Variants in PLXNA4 observed in about 807,000 individuals in gnomAD.
The protein encoded by PLXNA4 is plexin A4, also known as plexin-A4.
Under a neutral mutation model 191.8 loss-of-function variants are expected in PLXNA4, and 44 were observed. The ratio of observed to expected loss-of-function variants is 0.23; its 90% CI spans 0.18 to 0.29. The LOEUF is 0.29. Among genes scored for constraint, PLXNA4 ranks in the 10% least tolerant of loss-of-function variants. The pLI is 1.00. For missense variants in PLXNA4, 1,800 were observed against 2,488.8 expected (o/e 0.72, Z 5.89); for synonymous variants, 1,082 against 1,009.5 (o/e 1.07, Z -1.36).
intron 4 of PLXNA4, among the ~76,000 whole-genome samples, chr7:132,286,119 A>G (rs1338413399): frequency 6.6e-6 from 1 of 152,228 alleles, no homozygotes; most frequent in African/African-American, 2.4e-5. Context: ...TTCCCACAGC[A>G]GGACCACACT....
chr7:132,281,956 C>G (rs1486675679), intron 4 of PLXNA4, among the ~76,000 whole-genome samples: 1 of 152,050 alleles, frequency 6.6e-6, no homozygotes, highest in Non-Finnish European at 1.5e-5. Flanking sequence ...ACATAAATTG[C>G]AAATTTGTTG....
intron 3 of PLXNA4, among the ~76,000 whole-genome samples, chr7:132,430,385 T>A (rs941304388): frequency 3.3e-5 from 5 of 152,006 alleles, no homozygotes; most frequent in African/African-American, 1.2e-4. Context: ...TAAATCAATG[T>A]GCAAGATGGA....
chr7:132,345,762 G>A (rs528844919), intron 3 of PLXNA4, among the ~76,000 whole-genome samples: 6 of 152,272 alleles, frequency 3.9e-5, no homozygotes, highest in East Asian at 3.9e-4. Flanking sequence ...CCAGCCTCAC[G>A]AAAGAGCCCA....
chr7:132,277,153 T>C (rs1206963638), intron 4 of PLXNA4, among the ~76,000 whole-genome samples: 1 of 152,024 alleles, frequency 6.6e-6, no homozygotes, highest in Non-Finnish European at 1.5e-5. Flanking sequence ...AAACACGGGG[T>C]TGCTTAGAAG....
Position 132,124,540 on chromosome 7 carries a change from T to A in PLXNA4, c.*5939A>T, listed in dbSNP as rs775068855. 6.6e-6 allele frequency: 1 copy of A among 152,244 alleles called. No homozygotes were observed. Among genetic ancestry groups the A allele is most frequent in the Non-Finnish European group, 1.5e-5 (1 of 68,048 alleles). 9.4% of individuals were successfully genotyped at this position (152,244 alleles called of 1,614,324 possible). On this transcript the variant is annotated 3_prime_UTR_variant, in exon 32 of 32. Transcript: ENST00000321063. Reference sequence around the variant, plus strand: ...GATCAAAGATACTAACAAAGGAAGTTCTAATTCCAAATAAAGAAATTGCTG... The same window carrying A: ...GATCAAAGATACTAACAAAGGAAGTACTAATTCCAAATAAAGAAATTGCTG...
intron 4 of PLXNA4, among the ~76,000 whole-genome samples, chr7:132,271,708 T>A (rs1247774871): frequency 6.6e-6 from 1 of 151,998 alleles, no homozygotes; most frequent in Non-Finnish European, 1.5e-5. Context: ...TCAAAGAGGA[T>A]CAGAATTCAA....
Position 132,507,453 on chromosome 7 carries a change from G to A in PLXNA4, c.1188+53C>T, listed in dbSNP as rs974801341. ...CATCCCATGGGGGCTACAGGCTGGG[G>A]TTCTCATCCTACACTCCCAACCATC... On this transcript the variant is annotated intron_variant, in intron 2 of 31. Coordinates refer to ENST00000321063, the MANE Select transcript of PLXNA4 (RefSeq NM_020911.2). 8.5e-6 allele frequency: 13 copies of A among 1,537,734 alleles called. No individual in the cohort carries two copies. The African/African-American group carries it at 1.6e-4, about 19-fold the overall frequency.
At chr7:132,384,187 C>T in intron 3 of PLXNA4, 1 of 985,450 alleles carries the variant, frequency 1.0e-6, no homozygotes, top group Non-Finnish European at 1.2e-6. Context: ...GAGAATTACA[C>T]TGTTGTGTAT....
At chr7:132,357,886 G>A (rs931303161) in intron 3 of PLXNA4, among the ~76,000 whole-genome samples, 2 of 152,200 alleles carry the variant, frequency 1.3e-5, no homozygotes, top group Non-Finnish European at 2.9e-5. Context: ...ACCAGCTCTG[G>A]GCCGAGCCCA....
chr7:132,450,625 G>T (rs971184605), intron 3 of PLXNA4, among the ~76,000 whole-genome samples: 1 of 152,200 alleles, frequency 6.6e-6, no homozygotes, highest in African/African-American at 2.4e-5. Flanking sequence ...CCAGGACCCT[G>T]CCCTCAACTG....
intron 1 of PLXNA4, among the ~76,000 whole-genome samples, chr7:132,528,228 G>A (rs1799483467): frequency 6.6e-6 from 1 of 152,178 alleles, no homozygotes; most frequent in Non-Finnish European, 1.5e-5. Context: ...TGACTCACCA[G>A]GAAGGTGAAC....
At position 132,298,154 on chromosome 7, in the gene PLXNA4, T is replaced by C. The variant is rs1801173323; in HGVS notation, c.1440A>G (p.Pro480=). ...TGGAGAAGGCCATATCCCGGAGGAC[T>C]GGGCCGGGGTCCACCACCTGCACCG... is the stretch of plus-strand genomic sequence containing the variant. ...YETVQVVDPG[P]VLRDMAFSKD... The change falls in exon 4 of 32, where the codon CCA becomes CCG. Residue 480 remains proline (P), a synonymous_variant. Transcript: ENST00000321063. The C allele has an allele frequency of 6.2e-7, 1 of 1,614,078 alleles. No individual in the cohort carries two copies. The highest frequency in any genetic ancestry group is 1.3e-5 in the African/African-American group (1 of 74,942).
intron 3 of PLXNA4, among the ~76,000 whole-genome samples, chr7:132,393,942 C>T (rs1793630977): frequency 1.3e-5 from 2 of 151,518 alleles, no homozygotes; most frequent in South Asian, 4.2e-4. Context: ...ATTCCAGGCA[C>T]AGTGGTATTG....
intron 3 of PLXNA4, among the ~76,000 whole-genome samples, chr7:132,404,096 C>T (rs979829079): frequency 3.9e-5 from 6 of 152,106 alleles, no homozygotes; most frequent in Non-Finnish European, 7.3e-5. Context: ...TTCCACGGGT[C>T]CCCAAGCACC....
rs1554376279 is a variant in PLXNA4, at chr7:132,165,725, A to AAAG, written c.4287-526_4287-525insCTT. Among the ~76,000 whole-genome samples the AAAG allele has an allele frequency of 7.2e-5, 11 of 151,958 alleles. No individual in the cohort carries two copies. In the South Asian group the frequency reaches 2.1e-3, roughly 29 times the overall value. ...AGTTGTGTTCTTTTGGGTGAAAAAA[A>AAAG]AAAATCCCAAATCCTGGGGAGGTAC... On this transcript the variant is annotated intron_variant, in intron 22 of 31. Coordinates refer to ENST00000321063, the MANE Select transcript of PLXNA4 (RefSeq NM_020911.2).
At chr7:132,542,332 T>C (rs894735003) in intron 1 of PLXNA4, among the ~76,000 whole-genome samples, 4 of 152,158 alleles carry the variant, frequency 2.6e-5, no homozygotes, top group African/African-American at 9.7e-5. Flanking sequence ...TGGTAAATAA[T>C]GGGTAACATC....
chr7:132,160,417 TA>T (rs1466123098), intron 24 of PLXNA4, among the ~76,000 whole-genome samples: 2 of 152,230 alleles, frequency 1.3e-5, no homozygotes, highest in African/African-American at 4.8e-5. Flanking sequence ...ATTATCTTTT[TA>T]TTTTTTTTCC....
chr7:132,298,025 T>C lies in PLXNA4; in HGVS notation c.1503+66A>G, dbSNP rs527891977. The C allele has an allele frequency of 2.6e-4, 423 of 1,600,624 alleles. 3 individuals are homozygous for C. The South Asian group carries it at 4.4e-3, about 17-fold the overall frequency. Reference sequence around the variant, plus strand: ...TCTCTGCAGCTGGCCTCCTAAGGTTTGTACTGAGCCACAGGCTAGTATTTA... The same window carrying C: ...TCTCTGCAGCTGGCCTCCTAAGGTTCGTACTGAGCCACAGGCTAGTATTTA... On this transcript the variant is annotated intron_variant, in intron 4 of 31. Coordinates refer to ENST00000321063, the MANE Select transcript of PLXNA4 (RefSeq NM_020911.2).
chr7:132,259,482 G>GAAAAAAA (rs1414792493), intron 4 of PLXNA4, among the ~76,000 whole-genome samples: 22 of 111,338 alleles, frequency 2.0e-4, no homozygotes, highest in Middle Eastern at 4.1e-3. Context: ...AAGAAAAAAG[G>GAAAAAAA]AAAAAAGAAA....
Sources: gnomAD v4.1 joint callset for allele counts (sites outside exome capture counted in the v4.1 genomes callset) on GRCh38, gnomAD v4.1.1 for gene constraint, MANE v1.5 for transcripts, NCBI Gene and HGNC (gene_info 2026-07-23, HGNC 2026-07-21) for gene names.